Variants in UVRAG observed in about 807,000 individuals in gnomAD.
UVRAG encodes the protein UV radiation resistance-associated gene protein.
UVRAG carries 19 observed loss-of-function variants against 78.0 expected under a neutral mutation model. The ratio of observed to expected loss-of-function variants is 0.24; its 90% CI spans 0.17 to 0.36. The LOEUF is 0.36. UVRAG is among the 10% of genes least tolerant of loss of function. The pLI, the probability that UVRAG is intolerant of heterozygous loss-of-function variation, is 1.00. For missense variants in UVRAG, 740 were observed against 853.8 expected (o/e 0.87, Z 1.66); for synonymous variants, 323 against 324.6 (o/e 1.00, Z 0.05).
At chr11:75,968,177 G>A (rs1055783811) in intron 7 of UVRAG, among the ~76,000 whole-genome samples, 3 of 152,118 alleles carry the variant, frequency 2.0e-5, no homozygotes, top group Non-Finnish European at 2.9e-5. Context: ...TTATTTATAC[G>A]TTAGTCATCT....
At position 76,022,922 on chromosome 11, in the gene UVRAG, G is replaced by A. The variant is rs181286675; in HGVS notation, c.1226+5942G>A. 3.3e-3 allele frequency among the ~76,000 whole-genome samples: 507 copies of A among 151,412 alleles called. 1 individual carries two copies. Among genetic ancestry groups the A allele is most frequent in the Non-Finnish European group, 5.4e-3 (367 of 67,854 alleles). ...TGATTCCTTTCTCATTTCCTTTTCT[G>A]TGTATTTTATAGATTTTTTATGGTT... On this transcript the variant is annotated intron_variant, in intron 12 of 14. Coordinates refer to ENST00000356136, the MANE Select transcript of UVRAG (RefSeq NM_003369.4).
intron 8 of UVRAG, among the ~76,000 whole-genome samples, chr11:75,985,328 G>T (rs1949478542): frequency 6.6e-6 from 1 of 151,672 alleles, no homozygotes; most frequent in South Asian, 2.1e-4. Context: ...CATTTCATAT[G>T]CTTCTTGCTG....
chr11:75,946,319 A>G (rs1565393106), intron 6 of UVRAG, among the ~76,000 whole-genome samples: 1 of 152,328 alleles, frequency 6.6e-6, no homozygotes, highest in Non-Finnish European at 1.5e-5. Flanking sequence ...TATAATGTGC[A>G]GGTGTTATTT....
At chr11:76,017,444 G>A (rs1950169308) in intron 12 of UVRAG, among the ~76,000 whole-genome samples, 1 of 152,130 alleles carries the variant, frequency 6.6e-6, no homozygotes, top group South Asian at 2.1e-4. Context: ...TATAATTTCA[G>A]GCACAGAGAG....
intron 12 of UVRAG, among the ~76,000 whole-genome samples, chr11:76,029,333 G>A (rs1417181870): frequency 6.6e-6 from 1 of 151,174 alleles, no homozygotes; most frequent in African/African-American, 2.4e-5. Context: ...ACCCATGGAT[G>A]ACTTTTAAGT....
At chr11:76,036,181 G>C (rs1408429472) in intron 12 of UVRAG, among the ~76,000 whole-genome samples, 1 of 152,114 alleles carries the variant, frequency 6.6e-6, no homozygotes, top group Non-Finnish European at 1.5e-5. Flanking sequence ...GGATCTAGTT[G>C]TTTGACAAAA....
At chr11:76,085,618 G>A (rs1951576171) in intron 13 of UVRAG, among the ~76,000 whole-genome samples, 1 of 152,094 alleles carries the variant, frequency 6.6e-6, no homozygotes, top group Non-Finnish European at 1.5e-5. Context: ...TTGGAGTTTA[G>A]GCAAATATAA....
At chr11:76,071,532 A>G (rs1009054705) in intron 13 of UVRAG, among the ~76,000 whole-genome samples, 1 of 152,182 alleles carries the variant, frequency 6.6e-6, no homozygotes, top group East Asian at 1.9e-4. Context: ...GGAAAGTGGC[A>G]TGATTTGATA....
chr11:75,956,388 CT>C lies in UVRAG; in HGVS notation c.594-5040del, dbSNP rs1319171839. 4.7e-3 allele frequency among the ~76,000 whole-genome samples: 608 copies of C among 128,756 alleles called. 4 individuals are homozygous for C. Among genetic ancestry groups the C allele is most frequent in the South Asian group, 0.013 (52 of 4,046 alleles). The allele number at this position is 128,756 out of a possible 152,430, so 84.5% of individuals were successfully genotyped here. A position where few individuals can be genotyped will look rare whatever the true frequency, so the allele number is the denominator to read the frequency against. ...GTGCAAAAGTAATTGCAATTCTTGC[CT>C]TTTTTTTTTTTTTTTGAGATGGAAT... On this transcript the variant is annotated intron_variant, in intron 6 of 14. Coordinates refer to ENST00000356136, the MANE Select transcript of UVRAG (RefSeq NM_003369.4).
chr11:76,111,477 C>G (rs1469193622), intron 13 of UVRAG, among the ~76,000 whole-genome samples: 1 of 152,126 alleles, frequency 6.6e-6, no homozygotes, highest in Non-Finnish European at 1.5e-5. Context: ...TGAAGGTTTA[C>G]TTGCTGAAAA....
chr11:75,897,029 C>A (rs1402761932), intron 5 of UVRAG, among the ~76,000 whole-genome samples: 1 of 152,146 alleles, frequency 6.6e-6, no homozygotes, highest in Admixed American at 6.5e-5. Context: ...CAGTAGATGG[C>A]AATACTTTCT....
intron 6 of UVRAG, among the ~76,000 whole-genome samples, chr11:75,928,729 GGAGATT>G (rs1948165974): frequency 1.3e-5 from 2 of 152,006 alleles, no homozygotes; most frequent in Admixed American, 6.6e-5. Context: ...CACGAGGTCA[GGAGATT>G]GAGACTATCC....
intron 7 of UVRAG, among the ~76,000 whole-genome samples, chr11:75,962,855 T>A (rs1355397471): frequency 1.3e-5 from 2 of 152,164 alleles, no homozygotes; most frequent in Non-Finnish European, 2.9e-5. Flanking sequence ...CAGCATATGC[T>A]TTATCTCAGT....
rs1459774770 is a variant in UVRAG, at chr11:75,877,893, C to T, written c.271-1986C>T. Among the ~76,000 whole-genome samples, 9 of 145,206 alleles carry T rather than the reference C, an allele frequency of 6.2e-5. No individual in the cohort carries two copies. In the East Asian group the frequency reaches 8.6e-4, roughly 14 times the overall value. ...CCCCCCACCTCCCTCCCGGACGGGG[C>T]GGCTGGCCTGGCGGGGGGCTGACCC... On this transcript the variant is annotated intron_variant, in intron 3 of 14. Coordinates refer to ENST00000356136, the MANE Select transcript of UVRAG (RefSeq NM_003369.4).
intron 13 of UVRAG, among the ~76,000 whole-genome samples, chr11:76,092,108 A>G (rs539251828): frequency 6.6e-6 from 1 of 151,770 alleles, no homozygotes; most frequent in African/African-American, 2.4e-5. Context: ...TGTTCTTGAG[A>G]TAGTTTGCTG....
At chr11:75,961,088 T>A (rs1948901041) in intron 6 of UVRAG, among the ~76,000 whole-genome samples, 1 of 152,128 alleles carries the variant, frequency 6.6e-6, no homozygotes, top group Non-Finnish European at 1.5e-5. Context: ...GGTGATACTC[T>A]CTCGGTGACT....
At chr11:75,850,062 T>G (rs1197696888) in intron 1 of UVRAG, among the ~76,000 whole-genome samples, 3 of 132,020 alleles carry the variant, frequency 2.3e-5, no homozygotes, top group African/African-American at 1.3e-4. Flanking sequence ...CTGCAATCAG[T>G]CTGATTGGTT....
chr11:76,016,719 T>C, intron 11 of UVRAG, 96 bp from the exon 12 acceptor site: 1 of 1,133,026 alleles, frequency 8.8e-7, no homozygotes, highest in East Asian at 2.8e-5. Flanking sequence ...ATGTACCACA[T>C]ATTTTTATAA....
chr11:76,138,376 C>T (rs967724805), intron 14 of UVRAG, among the ~76,000 whole-genome samples: 4 of 152,182 alleles, frequency 2.6e-5, no homozygotes, highest in African/African-American at 4.8e-5. Flanking sequence ...TCATCTTCCA[C>T]GGGGCTCAGA....
Sources: gnomAD v4.1 joint callset for allele counts (sites outside exome capture counted in the v4.1 genomes callset) on GRCh38, gnomAD v4.1.1 for gene constraint, MANE v1.5 for transcripts, NCBI Gene and HGNC (gene_info 2026-07-23, HGNC 2026-07-21) for gene names.